PPP2R2C: variants seen among roughly 807,000 people sequenced by gnomAD.
The protein encoded by PPP2R2C is protein phosphatase 2 regulatory subunit Bgamma, also known as protein phosphatase 2, regulatory subunit B, gamma.
In PPP2R2C, 10 loss-of-function variants were observed where a neutral mutation model predicts 45.3. The observed-to-expected ratio is 0.22, with a 90% CI of 0.14 to 0.37. The LOEUF is 0.37. PPP2R2C is among the 10% of genes least tolerant of loss of function. The pLI is 1.00. For missense variants in PPP2R2C, 308 were observed against 619.7 expected (o/e 0.50, Z 5.34); for synonymous variants, 257 against 245.4 (o/e 1.05, Z -0.44).
At chr4:6,497,456 TGTTTTCCTTTTGGAA>T (rs1486109266) in intron 2 of PPP2R2C, among the ~76,000 whole-genome samples, 1 of 152,082 alleles carries the variant, frequency 6.6e-6, no homozygotes, top group African/African-American at 2.4e-5. Context: ...GCTGGGAGAT[TGTTTTCCTTTTGGAA>T]AAGAAAAAAA....
intron 4 of PPP2R2C, among the ~76,000 whole-genome samples, chr4:6,373,238 G>C (rs1432079877): frequency 6.6e-6 from 1 of 152,206 alleles, no homozygotes; most frequent in Non-Finnish European, 1.5e-5. Flanking sequence ...TCATGGGATG[G>C]GGATGGAAGG....
chr4:6,539,086 T>G (rs893756190), intron 1 of PPP2R2C, among the ~76,000 whole-genome samples: 3 of 151,440 alleles, frequency 2.0e-5, no homozygotes, highest in African/African-American at 7.3e-5. Context: ...TGAAATGCAT[T>G]GAGATGGCGT....
At chr4:6,333,165 C>T (rs1732549543) in intron 7 of PPP2R2C, among the ~76,000 whole-genome samples, 1 of 152,202 alleles carries the variant, frequency 6.6e-6, no homozygotes, top group Admixed American at 6.5e-5. Context: ...CGGATGCACC[C>T]TGGGAGGGCA....
chr4:6,554,366 G>C (rs555080559), intron 1 of PPP2R2C, among the ~76,000 whole-genome samples: 1 of 152,112 alleles, frequency 6.6e-6, no homozygotes, highest in South Asian at 2.1e-4. Context: ...AGGGGTACAG[G>C]ACAGATTCCC....
chr4:6,515,608 G>A (rs1723805191), intron 2 of PPP2R2C, among the ~76,000 whole-genome samples: 1 of 152,222 alleles, frequency 6.6e-6, no homozygotes, highest in Admixed American at 6.5e-5. Context: ...AGAATGCCTT[G>A]CATATAAACA....
At chr4:6,360,580 C>G (rs1713640743) in intron 5 of PPP2R2C, among the ~76,000 whole-genome samples, 1 of 152,214 alleles carries the variant, frequency 6.6e-6, no homozygotes, top group African/African-American at 2.4e-5. Context: ...CAAAAGGACT[C>G]ACGCATGAGC....
chr4:6,472,267 CCA>C lies in PPP2R2C; in HGVS notation c.-40_-39del. ...CCGGTGCTCTGGGCATGCCCCGCCG[CCA>C]CACACCGATGCAATCCGCAGAGGTC... is the stretch of plus-strand genomic sequence containing the variant. On this transcript the variant is annotated 5_prime_UTR_variant, in exon 1 of 9. Coordinates refer to ENST00000382599, the MANE Select transcript of PPP2R2C (RefSeq NM_020416.4). The C allele has an allele frequency of 6.2e-7, 1 of 1,611,356 alleles. No individual in the cohort carries two copies. The highest frequency in any genetic ancestry group is 8.5e-7 in the Non-Finnish European group (1 of 1,178,634).
At chr4:6,356,898 G>T (rs1713246306) in intron 5 of PPP2R2C, among the ~76,000 whole-genome samples, 1 of 151,426 alleles carries the variant, frequency 6.6e-6, no homozygotes, top group African/African-American at 2.4e-5. Flanking sequence ...GCTGGGCAGG[G>T]AGGGGCTGTC....
intron 2 of PPP2R2C, among the ~76,000 whole-genome samples, chr4:6,520,286 G>C (rs1156653010): frequency 6.6e-6 from 1 of 152,158 alleles, no homozygotes; most frequent in Non-Finnish European, 1.5e-5. Context: ...GGCCCGGGCT[G>C]GGCTCACAGC....
At chr4:6,387,117 G>A (rs1412974125) in intron 1 of PPP2R2C, among the ~76,000 whole-genome samples, 2 of 152,062 alleles carry the variant, frequency 1.3e-5, no homozygotes, top group Non-Finnish European at 2.9e-5. Context: ...CATATCAAAA[G>A]GTTCAACACA....
rs115689340 is a variant in PPP2R2C, at chr4:6,381,697, C to T, written c.71-603G>A. 8.1e-4 allele frequency: 1,249 copies of T among 1,546,030 alleles called. 10 individuals are homozygous for T. In the African/African-American group the frequency reaches 0.015, roughly 19 times the overall value. ...AGAAGCGAAGCTCAGCCCTGCCTGC[C>T]CTGACCCTCCCTGCACTTCATCCCA... On this transcript the variant is annotated intron_variant, in intron 1 of 8. Transcript: ENST00000382599.
intron 2 of PPP2R2C, among the ~76,000 whole-genome samples, chr4:6,496,862 A>AAAATAAATAAATAAAT (rs58136718): frequency 0.035 from 4,900 of 138,946 alleles, 107 homozygotes; most frequent in Middle Eastern, 0.044. Flanking sequence ...ACTCCATCTC[A>AAAATAAATAAATAAAT]AAATAAATAA....
intron 5 of PPP2R2C, among the ~76,000 whole-genome samples, chr4:6,351,735 G>A (rs950670493): frequency 1.2e-4 from 19 of 152,134 alleles, no homozygotes; most frequent in African/African-American, 3.6e-4. Context: ...GATCTCCGTG[G>A]GGAGGCAAGC....
chr4:6,511,493 T>C (rs1403265553), intron 2 of PPP2R2C, among the ~76,000 whole-genome samples: 2 of 100,942 alleles, frequency 2.0e-5, no homozygotes, highest in Admixed American at 1.9e-4. Context: ...GTGTTGGTGG[T>C]GATGGCGGTG....
Position 6,484,472 on chromosome 4 carries a change from T to C in PPP2R2C, c.49+50799A>G, listed in dbSNP as rs541001109. Among the ~76,000 whole-genome samples, 333 of 151,906 alleles carry C rather than the reference T, an allele frequency of 2.2e-3. 1 individual carries two copies. Among genetic ancestry groups the C allele is most frequent in the African/African-American group, 7.8e-3 (323 of 41,490 alleles). ...GTTGTTTTGGCTATCCTAGGTCCTTTGTATTTCTATATGAATTTTAGAATG... is the reference window on the plus strand; with the variant it reads ...GTTGTTTTGGCTATCCTAGGTCCTTCGTATTTCTATATGAATTTTAGAATG... On this transcript the variant is annotated intron_variant, in intron 2 of 9. Transcript: ENST00000506140.
At chr4:6,420,796 G>A (rs765354659) in intron 1 of PPP2R2C, 22 of 396,800 alleles carry the variant, frequency 5.5e-5, no homozygotes, top group African/African-American at 8.7e-5. Flanking sequence ...CGACGATGAC[G>A]GCACAGATAA....
At chr4:6,466,850 G>T (rs1403680095) in intron 1 of PPP2R2C, among the ~76,000 whole-genome samples, 1 of 152,210 alleles carries the variant, frequency 6.6e-6, no homozygotes, top group African/African-American at 2.4e-5. Flanking sequence ...CTCTGTGACT[G>T]CGCCAAGCTT....
At chr4:6,474,395 T>A (rs2108773637), upstream of PPP2R2C, among the ~76,000 whole-genome samples, 1 of 152,272 alleles carries the variant, frequency 6.6e-6, no homozygotes, top group East Asian at 1.9e-4. Flanking sequence ...GGGTGGCCAG[T>A]CCTGCTCAGC....
chr4:6,425,758 G>A (rs1205741275), intron 1 of PPP2R2C, among the ~76,000 whole-genome samples: 1 of 152,156 alleles, frequency 6.6e-6, no homozygotes, highest in Non-Finnish European at 1.5e-5. Context: ...GACAAGGAGA[G>A]TCTGTTCAGG....
Sources: allele counts gnomAD v4.1 joint callset (sites outside exome capture counted in the v4.1 genomes callset), GRCh38; gene constraint gnomAD v4.1.1; transcripts MANE v1.5; gene names NCBI Gene and HGNC (gene_info 2026-07-23, HGNC 2026-07-21).